WASL: variants seen among roughly 807,000 people sequenced by gnomAD.
WASL encodes WASP like actin nucleation promoting factor.
In WASL, 20 loss-of-function variants were observed where a neutral mutation model predicts 55.5. The observed-to-expected ratio is 0.36, with a 90% confidence interval of 0.25 to 0.52. WASL has a LOEUF of 0.52. WASL is among the 20% of genes least tolerant of loss of function. The pLI, the probability that WASL is intolerant of heterozygous loss-of-function variation, is 0.92. For synonymous variants in WASL, 249 were observed against 217.6 expected (o/e 1.14, Z -1.27); for missense variants, 504 against 622.5 (o/e 0.81, Z 2.03).
At chr7:123,703,975 T>C (rs1055491537) in intron 5 of WASL, among the ~76,000 whole-genome samples, 1 of 152,174 alleles carries the variant, frequency 6.6e-6, no homozygotes, top group African/African-American at 2.4e-5. Flanking sequence ...TCAGGGAGTT[T>C]ATGAAGTCTA....
At chr7:123,691,540 C>A (rs922951825) in intron 9 of WASL, among the ~76,000 whole-genome samples, 1 of 152,156 alleles carries the variant, frequency 6.6e-6, no homozygotes, top group African/African-American at 2.4e-5. Flanking sequence ...CATGTCCATT[C>A]ATTTATGTAT....
intron 2 of WASL, 102 bp from the exon 3 acceptor site, chr7:123,706,928 A>G: frequency 1.8e-6 from 1 of 567,216 alleles, no homozygotes; most frequent in Non-Finnish European, 3.0e-6. Flanking sequence ...TATATTAAAA[A>G]TAACTTTTAA....
At chr7:123,734,770 A>C (rs1804198170) in intron 1 of WASL, among the ~76,000 whole-genome samples, 1 of 152,016 alleles carries the variant, frequency 6.6e-6, no homozygotes, top group Admixed American at 6.6e-5. Context: ...GTACAATACA[A>C]AGACTTAAAT....
chr7:123,700,603 C>T (rs746786798), intron 5 of WASL, among the ~76,000 whole-genome samples: 4 of 152,084 alleles, frequency 2.6e-5, no homozygotes, highest in African/African-American at 4.8e-5. Flanking sequence ...CTAAGCCTGG[C>T]TAATTTTTCA....
intron 6 of WASL, among the ~76,000 whole-genome samples, chr7:123,696,164 G>T (rs1406872916): frequency 1.3e-5 from 2 of 151,834 alleles, no homozygotes; most frequent in African/African-American, 4.8e-5. Context: ...ACGGGATAAG[G>T]GTTTCATAAT....
chr7:123,724,195 CTCT>C (rs1804003496), intron 1 of WASL, among the ~76,000 whole-genome samples: 1 of 152,156 alleles, frequency 6.6e-6, no homozygotes. Flanking sequence ...AAAGTCCAAA[CTCT>C]TCTTCAAGAA....
intron 5 of WASL, among the ~76,000 whole-genome samples, chr7:123,697,015 A>G (rs1183057281): frequency 5.3e-5 from 8 of 152,120 alleles, no homozygotes; most frequent in Non-Finnish European, 1.0e-4. Context: ...TCCAGCTAGA[A>G]TTTAAATATA....
Position 123,682,695 on chromosome 7 carries a change from A to G in WASL, c.*1824T>C. 6.6e-6 allele frequency: 1 copy of G among 152,182 alleles called. No homozygotes were observed. Among genetic ancestry groups the G allele is most frequent in the Admixed American group, 6.6e-5 (1 of 15,258 alleles). 9.4% of individuals were successfully genotyped at this position (152,182 alleles called of 1,614,324 possible). Reference sequence around the variant, plus strand: ...ATTAACATTACTTAAAATAATTATAATGTTCCATTTAACTTTTGTACAAAC... The same window carrying G: ...ATTAACATTACTTAAAATAATTATAGTGTTCCATTTAACTTTTGTACAAAC... On this transcript the variant is annotated 3_prime_UTR_variant, in exon 11 of 11. Transcript: ENST00000223023.
intron 1 of WASL, among the ~76,000 whole-genome samples, chr7:123,744,691 T>G (rs1174557828): frequency 6.6e-6 from 1 of 152,188 alleles, no homozygotes; most frequent in Non-Finnish European, 1.5e-5. Flanking sequence ...AATGTTTTAT[T>G]TTTTCCTATT....
At position 123,748,743 on chromosome 7, in the gene WASL, C is replaced by T. The variant is rs766559084; in HGVS notation, c.-9G>A. 3 of 1,570,946 alleles carry T rather than the reference C, an allele frequency of 1.9e-6. No individual in the cohort carries two copies. Among genetic ancestry groups the T allele is most frequent in the Admixed American group, 3.6e-5 (2 of 55,378 alleles). ...TGCTGGACGGAGCTCATGGTTTCGCCGGCGGGGTTGGGAGTCCAGGGCCGT... is the reference window on the plus strand; with the variant it reads ...TGCTGGACGGAGCTCATGGTTTCGCTGGCGGGGTTGGGAGTCCAGGGCCGT... On this transcript the variant is annotated 5_prime_UTR_variant, in exon 1 of 11. Coordinates refer to ENST00000223023, the MANE Select transcript of WASL (RefSeq NM_003941.4).
intron 1 of WASL, among the ~76,000 whole-genome samples, chr7:123,738,028 G>A (rs1804267762): frequency 6.6e-6 from 1 of 152,118 alleles, no homozygotes; most frequent in Non-Finnish European, 1.5e-5. Context: ...AGGACAAGAA[G>A]AGGCAATTCA....
intron 10 of WASL, 129 bp from the exon 11 acceptor site, chr7:123,684,709 T>C (rs1444908381): frequency 4.5e-5 from 37 of 825,730 alleles, no homozygotes; most frequent in Non-Finnish European, 5.9e-5. Flanking sequence ...ATCTAGTTAC[T>C]AAAACAGTTT....
At chr7:123,707,680 G>T (rs1803692712) in intron 2 of WASL, among the ~76,000 whole-genome samples, 1 of 152,126 alleles carries the variant, frequency 6.6e-6, no homozygotes, top group Non-Finnish European at 1.5e-5. Flanking sequence ...CTTCTTAGTG[G>T]AGTAGTAAGT....
At position 123,709,161 on chromosome 7, in the gene WASL, C is replaced by T; in HGVS notation, c.180G>A (p.Lys60=). The T allele has an allele frequency of 6.2e-7, 1 of 1,612,988 alleles. No individual in the cohort carries two copies. Among genetic ancestry groups the T allele is most frequent in the Non-Finnish European group, 8.5e-7 (1 of 1,179,272 alleles). ...TAACAAGACAAGCAACACCACTGCACTTCTTTGACCACATACAGTTCCGAT... is the reference window on the plus strand; with the variant it reads ...TAACAAGACAAGCAACACCACTGCATTTCTTTGACCACATACAGTTCCGAT... ...AADRNCMWSK[K]CSGVACLVKD... is the part of the protein sequence containing the mutation. The change falls in exon 2 of 11, where the codon AAG becomes AAA. Residue 60 remains lysine, a synonymous_variant. Coordinates refer to ENST00000223023, the MANE Select transcript of WASL (RefSeq NM_003941.4).
At chr7:123,705,801 CAATGT>C (rs1803659683) in intron 4 of WASL, among the ~76,000 whole-genome samples, 1 of 152,104 alleles carries the variant, frequency 6.6e-6, no homozygotes, top group Non-Finnish European at 1.5e-5. Flanking sequence ...AAAGACAAGG[CAATGT>C]TTACAGATCT....
At chr7:123,726,636 G>T (rs999245439) in intron 1 of WASL, among the ~76,000 whole-genome samples, 1 of 152,180 alleles carries the variant, frequency 6.6e-6, no homozygotes, top group East Asian at 1.9e-4. Flanking sequence ...AGGCCAAGGC[G>T]GGTGGATTAC....
At chr7:123,702,252 C>T (rs1202188607) in intron 5 of WASL, among the ~76,000 whole-genome samples, 1 of 151,978 alleles carries the variant, frequency 6.6e-6, no homozygotes, top group African/African-American at 2.4e-5. Flanking sequence ...GACGGGGTTT[C>T]GTTATGTTGG....
At chr7:123,685,337 C>T (rs2109724) in intron 10 of WASL, among the ~76,000 whole-genome samples, 69,428 of 151,606 alleles carry the variant, frequency 0.46, 16,141 homozygotes, top group South Asian at 0.67. Flanking sequence ...CCCCAAACTT[C>T]TCTCATATGT....
At chr7:123,692,324 G>GAAAAAAA (rs60453568) in intron 9 of WASL, 23 bp downstream of exon 9, 1 of 659,064 alleles carries the variant, frequency 1.5e-6, no homozygotes, top group African/African-American at 2.0e-5. Flanking sequence ...GATCTAAAAT[G>GAAAAAAA]AAAAAAAAAA....
Sources: gnomAD v4.1 joint callset for allele counts (sites outside exome capture counted in the v4.1 genomes callset) on GRCh38, gnomAD v4.1.1 for gene constraint, MANE v1.5 for transcripts, NCBI Gene and HGNC (gene_info 2026-07-23, HGNC 2026-07-21) for gene names.